The following NFATC2 variants were observed in gnomAD, a reference collection of about 807,000 sequenced individuals.
NFATC2 encodes nuclear factor of activated T cells 2.
Under a neutral mutation model 87.3 loss-of-function variants are expected in NFATC2, and 22 were observed. The ratio of observed to expected loss-of-function variants is 0.25; its 90% CI spans 0.18 to 0.36. The LOEUF (loss-of-function observed/expected upper bound fraction) is 0.36, where lower values mean the gene tolerates loss of function less well. NFATC2 is among the 10% of genes least tolerant of loss of function. The pLI is 1.00. For synonymous variants in NFATC2, 565 were observed against 542.2 expected, an observed-to-expected ratio of 1.04 and a Z score of -0.58; for missense variants, 1,149 against 1,259.1, an observed-to-expected ratio of 0.91 and a Z score of 1.32.
chr20:51,393,251 T>C (rs1403243603), intron 10 of NFATC2, among the ~76,000 whole-genome samples: 2 of 109,440 alleles, frequency 1.8e-5, no homozygotes, highest in Non-Finnish European at 3.8e-5. Context: ...TTGGTGAACC[T>C]TGCCTTGGTG....
In NFATC2 at chr20:51,524,469, C is replaced by T. The variant is rs535872947; in HGVS notation, c.131-359G>A. On this transcript the variant is annotated intron_variant, in intron 1 of 10. Transcript: ENST00000371564. The surrounding 1 kb of genome is among the most constrained non-coding windows in gnomAD (Gnocchi z 4.0). Reference sequence around the variant, plus strand: ...AAGCCTCTCGAGTCAATACTTACCCCTGCTACATGACACCCTCAGACCCTC... The same window carrying T: ...AAGCCTCTCGAGTCAATACTTACCCTTGCTACATGACACCCTCAGACCCTC... 6.6e-6 allele frequency among the ~76,000 whole-genome samples: 1 copy of T among 152,330 alleles called. No individual in the cohort carries two copies. Among genetic ancestry groups the T allele is most frequent in the African/African-American group, 2.4e-5 (1 of 41,578 alleles).
At chr20:51,466,505 A>AG in intron 5 of NFATC2, among the ~76,000 whole-genome samples, 1 of 43,490 alleles carries the variant, frequency 2.3e-5, no homozygotes, top group Non-Finnish European at 8.3e-5. Context: ...TGCTTTCAGG[A>AG]AAAAAAAAGG....
chr20:51,490,781 A>T (rs1048176133), intron 3 of NFATC2, among the ~76,000 whole-genome samples: 1 of 152,150 alleles, frequency 6.6e-6, no homozygotes, highest in Admixed American at 6.5e-5. Flanking sequence ...ATAAAAAAAA[A>T]TTTAAAAATA....
At chr20:51,436,713 TC>T (rs10708202) in intron 6 of NFATC2, among the ~76,000 whole-genome samples, 33,349 of 131,416 alleles carry the variant, frequency 0.25, 3,827 homozygotes, top group Middle Eastern at 0.35. Context: ...AGACTTTGTC[TC>T]AAAACAAACA....
intron 1 of NFATC2, among the ~76,000 whole-genome samples, chr20:51,537,669 G>T (rs942475243): frequency 6.6e-6 from 1 of 152,202 alleles, no homozygotes; most frequent in Non-Finnish European, 1.5e-5. Flanking sequence ...AGAAATAAGA[G>T]TCCATTGTAT....
At chr20:51,410,843 C>A (rs1035980829) in intron 9 of NFATC2, among the ~76,000 whole-genome samples, 1 of 152,148 alleles carries the variant, frequency 6.6e-6, no homozygotes, top group Non-Finnish European at 1.5e-5. Context: ...TTCTTCATGG[C>A]ATGTGTCACC....
chr20:51,522,481 C>A (rs17801791), intron 2 of NFATC2, among the ~76,000 whole-genome samples: 7,374 of 152,196 alleles, frequency 0.048, 264 homozygotes, highest in Middle Eastern at 0.14. Context: ...TCAAAGCGAG[C>A]CTTAAGAGAC....
chr20:51,462,068 A>G (rs1987221989), intron 5 of NFATC2, among the ~76,000 whole-genome samples: 2 of 151,682 alleles, frequency 1.3e-5, no homozygotes, highest in Non-Finnish European at 2.9e-5. Context: ...CAGTGAGTTG[A>G]GATTGCACCA....
chr20:51,450,676 C>T (rs1985655318), intron 6 of NFATC2, among the ~76,000 whole-genome samples: 1 of 152,190 alleles, frequency 6.6e-6, no homozygotes, highest in African/African-American at 2.4e-5. Flanking sequence ...GGACGAGTCC[C>T]CTGGATTCTC....
chr20:51,464,574 A>AG (rs1363272875), intron 5 of NFATC2, among the ~76,000 whole-genome samples: 1 of 151,576 alleles, frequency 6.6e-6, no homozygotes, highest in Non-Finnish European at 1.5e-5. Flanking sequence ...AGGCTGACAA[A>AG]GGCCTGGCCA....
chr20:51,475,506 G>A lies in NFATC2; in HGVS notation c.1487C>T (p.Thr496Ile), dbSNP rs368332100. 48 of 1,613,954 alleles carry A rather than the reference G, an allele frequency of 3.0e-5. No homozygotes were observed. The highest frequency in any genetic ancestry group is 3.8e-5 in the Non-Finnish European group (45 of 1,180,036). Reference sequence around the variant, plus strand: ...CTCCAAGGGTATCTCCAGGACTTTGGTGTTGCCCACTATCTTCTCATAGCT... The same window carrying A: ...CTCCAAGGGTATCTCCAGGACTTTGATGTTGCCCACTATCTTCTCATAGCT... ...TTSYEKIVGN[T>I]KVLEIPLEPK... The change falls in exon 4 of 11, where the codon ACC (threonine) becomes ATC (isoleucine). Residue 496 changes from threonine (T) to isoleucine (I), a missense_variant. This residue lies in a region of NFATC2 where 581 missense variants were observed against 649.7 expected (regional missense o/e 0.89). Coordinates refer to ENST00000371564, the MANE Select transcript of NFATC2 (RefSeq NM_012340.5).
chr20:51,424,455 C>A (rs766279566), intron 9 of NFATC2, among the ~76,000 whole-genome samples: 1 of 152,146 alleles, frequency 6.6e-6, no homozygotes, highest in Non-Finnish European at 1.5e-5. Flanking sequence ...CCTCACCGTG[C>A]GCGTCTGGTA....
chr20:51,467,506 G>A (rs547641580), intron 5 of NFATC2, among the ~76,000 whole-genome samples: 2 of 151,860 alleles, frequency 1.3e-5, no homozygotes, highest in Non-Finnish European at 2.9e-5. Context: ...GCAGTGAGCC[G>A]AGATCATGCC....
At chr20:51,459,315 G>A (rs888535297) in intron 5 of NFATC2, among the ~76,000 whole-genome samples, 5 of 152,150 alleles carry the variant, frequency 3.3e-5, no homozygotes, top group Admixed American at 1.3e-4. Context: ...AGGACAAATG[G>A]CATAGGATCC....
intron 1 of NFATC2, among the ~76,000 whole-genome samples, chr20:51,536,649 G>T (rs1331323388): frequency 6.6e-6 from 1 of 152,206 alleles, no homozygotes; most frequent in East Asian, 1.9e-4. Flanking sequence ...GAATTTAGAA[G>T]CCAAGATGCC....
chr20:51,429,637 C>T (rs568655087), intron 9 of NFATC2, among the ~76,000 whole-genome samples: 2 of 152,346 alleles, frequency 1.3e-5, no homozygotes, highest in South Asian at 2.1e-4. Flanking sequence ...GCGTGCGATG[C>T]GCTCTCCTTT....
intron 3 of NFATC2, among the ~76,000 whole-genome samples, chr20:51,493,129 C>A (rs1314988101): frequency 6.6e-6 from 1 of 152,176 alleles, no homozygotes; most frequent in Non-Finnish European, 1.5e-5. Context: ...AGACTGGGGG[C>A]TAGGGAGTCG....
intron 10 of NFATC2, 82 bp from the exon 11 acceptor site, chr20:51,391,533 T>G: frequency 3.6e-6 from 5 of 1,387,938 alleles, no homozygotes; most frequent in South Asian, 1.2e-5. Flanking sequence ...GTTCACTTTC[T>G]AGAACCTCTA....
At chr20:51,532,457 G>C (rs942236969) in intron 1 of NFATC2, among the ~76,000 whole-genome samples, 1 of 152,118 alleles carries the variant, frequency 6.6e-6, no homozygotes, top group African/African-American at 2.4e-5. Context: ...CATTTCACTC[G>C]GGAGGTGGGC....
Sources: allele counts gnomAD v4.1 joint callset (sites outside exome capture counted in the v4.1 genomes callset), GRCh38; gene constraint gnomAD v4.1.1; regional missense constraint gnomAD v4.1.1; non-coding constraint Gnocchi (gnomAD v3.1); transcripts MANE v1.5; gene names NCBI Gene and HGNC (gene_info 2026-07-23, HGNC 2026-07-21).